The following C12orf42 variants were observed in gnomAD, a reference collection of about 807,000 sequenced individuals.
C12orf42 encodes chromosome 12 open reading frame 42, also known as uncharacterized protein C12orf42.
A neutral mutation model predicts 21.6 loss-of-function variants in C12orf42; 25 were observed. That is an observed-to-expected ratio of 1.16 (90% confidence interval 0.84 to 1.62). The LOEUF is 1.62. Among genes scored for constraint, C12orf42 ranks in the 40% most tolerant of loss-of-function variants. The probability of loss-of-function intolerance (pLI) is 0.00; values close to 1 mark genes in which losing one functional copy is unlikely to be tolerated. For missense variants in C12orf42, 483 were observed against 459.3 expected (o/e 1.05, Z -0.47); for synonymous variants, 174 against 175.0 (o/e 0.99, Z 0.05).
the C12orf42 span, among the ~76,000 whole-genome samples, chr12:103,216,572 GT>G: frequency 6.6e-6 from 1 of 151,768 alleles, no homozygotes; most frequent in East Asian, 1.9e-4. Flanking sequence ...TAGAGATGGG[GT>G]TTCACCGTGT....
upstream of C12orf42, among the ~76,000 whole-genome samples, chr12:103,499,581 T>A (rs1174603818): frequency 6.6e-6 from 1 of 152,224 alleles, no homozygotes; most frequent in Non-Finnish European, 1.5e-5. Context: ...TTCACTACCA[T>A]GCCAAGAATG....
intron 1 of C12orf42, among the ~76,000 whole-genome samples, chr12:103,482,698 C>A (rs1168795669): frequency 6.6e-6 from 1 of 152,080 alleles, no homozygotes; most frequent in Non-Finnish European, 1.5e-5. Context: ...TATTACCTCT[C>A]AACTTATGTT....
At chr12:103,518,670 A>T in the C12orf42 span, among the ~76,000 whole-genome samples, 1 of 152,184 alleles carries the variant, frequency 6.6e-6, no homozygotes, top group South Asian at 2.1e-4. Context: ...GTATAGAGAA[A>T]TGTTCAAACA....
the C12orf42 span, among the ~76,000 whole-genome samples, chr12:103,147,665 C>T: frequency 7.9e-6 from 1 of 126,052 alleles, no homozygotes; most frequent in Non-Finnish European, 1.6e-5. Context: ...GTAACTACTA[C>T]ACAAAGTTTG....
chr12:103,323,865 A>G (rs2040422117), intron 4 of C12orf42, among the ~76,000 whole-genome samples: 1 of 152,070 alleles, frequency 6.6e-6, no homozygotes, highest in Non-Finnish European at 1.5e-5. Flanking sequence ...CATATAACAT[A>G]TTATAATGCA....
At chr12:103,064,010 CCACTGTGAGCCA>C in the C12orf42 span, among the ~76,000 whole-genome samples, 1 of 152,062 alleles carries the variant, frequency 6.6e-6, no homozygotes, top group Non-Finnish European at 1.5e-5. Flanking sequence ...AAAATGTGGC[CCACTGTGAGCCA>C]GCTGGAAATG....
the C12orf42 span, among the ~76,000 whole-genome samples, chr12:103,164,934 G>A: frequency 6.6e-6 from 1 of 152,178 alleles, no homozygotes; most frequent in African/African-American, 2.4e-5. Context: ...TGATACTTAG[G>A]TAGGACAAAT....
At chr12:103,434,586 T>C (rs1215438698) in intron 2 of C12orf42, among the ~76,000 whole-genome samples, 48 of 152,264 alleles carry the variant, frequency 3.2e-4, no homozygotes, top group African/African-American at 1.1e-3. Flanking sequence ...TTGCCTCACC[T>C]GGGAAGCACA....
upstream of C12orf42, among the ~76,000 whole-genome samples, chr12:103,498,464 A>G (rs1955628550): frequency 6.6e-6 from 1 of 152,254 alleles, no homozygotes; most frequent in African/African-American, 2.4e-5. Context: ...ACATATATAC[A>G]ATGGGATATT....
At chr12:103,215,277 T>C in the C12orf42 span, among the ~76,000 whole-genome samples, 1 of 152,036 alleles carries the variant, frequency 6.6e-6, no homozygotes, top group African/African-American at 2.4e-5. Flanking sequence ...ATTATACCAA[T>C]ACTAATGCAA....
chr12:103,549,644 G>A, the C12orf42 span: 1 of 152,126 alleles, frequency 6.6e-6, no homozygotes, highest in East Asian at 1.9e-4. Context: ...TAAAAGTGGT[G>A]TTTTAAAAAG....
At chr12:103,493,732 A>G (rs1259189568) in intron 1 of C12orf42, among the ~76,000 whole-genome samples, 1 of 151,984 alleles carries the variant, frequency 6.6e-6, no homozygotes, top group Non-Finnish European at 1.5e-5. Context: ...CAAAAAAAAA[A>G]AAAAAAACCT....
the C12orf42 span, among the ~76,000 whole-genome samples, chr12:103,160,151 A>G: frequency 6.6e-6 from 1 of 152,226 alleles, no homozygotes; most frequent in Non-Finnish European, 1.5e-5. Context: ...AAAGTCAGAT[A>G]GAATTAAAGG....
At chr12:103,161,530 A>G in the C12orf42 span, 1 of 152,208 alleles carries the variant, frequency 6.6e-6, no homozygotes, top group African/African-American at 2.4e-5. Context: ...TATTTCTGCC[A>G]CTTATTTCAC....
rs372555493 is a variant in C12orf42 at position 103,309,874 on chromosome 12, G to A, written c.260-3529C>T. Among the ~76,000 whole-genome samples the A allele has an allele frequency of 2.4e-4, 36 of 152,338 alleles. No individual in the cohort carries two copies. The South Asian group carries it at 7.3e-3, about 31-fold the overall frequency. ...CTGAGCCACAGCTTTGTCCGAGAGT[G>A]GAGACCAAAGCAAATGCCTTCAGAG... is the stretch of plus-strand genomic sequence containing the variant. On this transcript the variant is annotated intron_variant, in intron 4 of 5. Transcript: ENST00000548883.
intron 4 of C12orf42, among the ~76,000 whole-genome samples, chr12:103,307,778 G>A (rs1392755773): frequency 6.6e-6 from 1 of 152,122 alleles, no homozygotes; most frequent in African/African-American, 2.4e-5. Flanking sequence ...GTGTGTAGGT[G>A]TGTGCTTGTG....
chr12:103,395,938 T>C (rs1389069593), intron 3 of C12orf42, among the ~76,000 whole-genome samples: 1 of 148,584 alleles, frequency 6.7e-6, no homozygotes. Context: ...ATATATTATG[T>C]ATATATACAT....
the C12orf42 span, chr12:103,503,403 T>A: frequency 6.6e-6 from 1 of 152,230 alleles, no homozygotes; most frequent in African/African-American, 2.4e-5. Flanking sequence ...GGCATCTCTG[T>A]AGGGCTACTG....
the C12orf42 span, among the ~76,000 whole-genome samples, chr12:103,510,728 TAG>T: frequency 2.5e-4 from 38 of 152,184 alleles, no homozygotes; most frequent in Non-Finnish European, 4.7e-4. Flanking sequence ...TGCTGTGGGT[TAG>T]AGAGAGGCCA....
Sources: allele counts gnomAD v4.1 joint callset (sites outside exome capture counted in the v4.1 genomes callset), GRCh38; gene constraint gnomAD v4.1.1; transcripts MANE v1.5; gene names NCBI Gene and HGNC (gene_info 2026-07-23, HGNC 2026-07-21).